Variants in DCLK3 observed in about 807,000 individuals in gnomAD.
The protein encoded by DCLK3 is serine/threonine-protein kinase DCLK3.
DCLK3 carries 30 observed loss-of-function variants against 46.4 expected under a neutral mutation model. The ratio of observed to expected loss-of-function variants is 0.65; its 90% CI spans 0.48 to 0.88. DCLK3 has a LOEUF of 0.88. Ranked by LOEUF, DCLK3 falls within the 40% of genes least tolerant of loss-of-function variation. DCLK3 has a pLI of 0.00. For missense variants in DCLK3, 846 were observed against 907.1 expected, an observed-to-expected ratio of 0.93 and a Z score of 0.87; for synonymous variants, 401 against 339.2, an observed-to-expected ratio of 1.18 and a Z score of -2.00.
chr3:36,732,966 G>C (rs1019930972), intron 2 of DCLK3, among the ~76,000 whole-genome samples: 2 of 152,168 alleles, frequency 1.3e-5, no homozygotes, highest in African/African-American at 4.8e-5. Flanking sequence ...ATGGTAAAGG[G>C]AGAATGAGCA....
intron 3 of DCLK3, among the ~76,000 whole-genome samples, chr3:36,720,304 TG>T (rs1253674246): frequency 6.6e-6 from 1 of 152,204 alleles, no homozygotes; most frequent in African/African-American, 2.4e-5. Flanking sequence ...AGCAGATGGC[TG>T]GCACCATGCT....
rs57947378 is a variant in DCLK3, at chr3:36,758,299, C to T, written c.82+5883G>A. On this transcript the variant is annotated intron_variant, in intron 1 of 4. Transcript: ENST00000636136. The stretch of plus-strand genomic sequence containing the variant: ...ATGGCCATGTTATGACTAAGTGCTA[C>T]CACATAATTTCACCATATATACTCT... 3.2e-4 allele frequency among the ~76,000 whole-genome samples: 48 copies of T among 152,294 alleles called. 1 individual carries two copies. In the East Asian group the frequency reaches 8.9e-3, roughly 28 times the overall value.
chr3:36,725,472 C>T (rs937953677), intron 2 of DCLK3, among the ~76,000 whole-genome samples: 4 of 152,014 alleles, frequency 2.6e-5, no homozygotes, highest in Admixed American at 2.6e-4. Context: ...AAAATATTAG[C>T]CAGGCATGGT....
At chr3:36,742,455 T>C (rs1701353358) in intron 1 of DCLK3, among the ~76,000 whole-genome samples, 1 of 152,134 alleles carries the variant, frequency 6.6e-6, no homozygotes, top group Non-Finnish European at 1.5e-5. Context: ...CGTAAAAGGA[T>C]GTAAAGAGAG....
intron 1 of DCLK3, among the ~76,000 whole-genome samples, chr3:36,747,664 C>T (rs904291655): frequency 5.3e-5 from 8 of 152,168 alleles, no homozygotes; most frequent in East Asian, 3.9e-4. Flanking sequence ...AATTTATGTC[C>T]GCTTTTACAT....
intron 1 of DCLK3, among the ~76,000 whole-genome samples, chr3:36,744,107 C>T (rs189065621): frequency 6.6e-6 from 1 of 152,230 alleles, no homozygotes; most frequent in South Asian, 2.1e-4. Context: ...CTCAACTAAA[C>T]TGTAAGCTCT....
At position 36,728,111 on chromosome 3, in the gene DCLK3, A is replaced by G. The variant is rs149116646; in HGVS notation, c.1960-6452T>C. On this transcript the variant is annotated intron_variant, in intron 2 of 4. Coordinates refer to ENST00000636136, the MANE Select transcript of DCLK3 (RefSeq NM_001394672.2). Reference sequence around the variant, plus strand: ...ACAACTCTGTGCTGTAGTGCATCCCATTTATGGCAAGCTTAGCTTGTGAGG... The same window carrying G: ...ACAACTCTGTGCTGTAGTGCATCCCGTTTATGGCAAGCTTAGCTTGTGAGG... 3.4e-4 allele frequency among the ~76,000 whole-genome samples: 52 copies of G among 152,288 alleles called. No individual in the cohort carries two copies. The East Asian group carries it at 7.2e-3, about 21-fold the overall frequency.
intron 1 of DCLK3, among the ~76,000 whole-genome samples, chr3:36,741,041 T>C (rs915166711): frequency 1.3e-5 from 2 of 152,244 alleles, no homozygotes; most frequent in African/African-American, 4.8e-5. Flanking sequence ...CACAAATTTA[T>C]GAGCTTAACA....
rs2125530003 is a variant in DCLK3, at chr3:36,737,247, C to T, written c.1920G>A (p.Lys640=). ...GCTTGAGGTCCCGGTGGACAATGCT[C>T]TTGTCGTGCATGTGGACGAGGGCTT... is the stretch of plus-strand genomic sequence containing the variant. ...LCKALVHMHD[K]SIVHRDLKPE... The change falls in exon 2 of 5, where the codon AAG becomes AAA. Residue 640 remains lysine, a synonymous_variant. Transcript: ENST00000636136. This position sits in a 1 kb window ranked among gnomAD's most constrained non-coding sequence, Gnocchi z 4.4. 6.2e-7 allele frequency: 1 copy of T among 1,614,124 alleles called. No individual in the cohort carries two copies. The highest frequency in any genetic ancestry group is 2.2e-5 in the East Asian group (1 of 44,880).
At chr3:36,747,155 G>T (rs1353926187) in intron 1 of DCLK3, among the ~76,000 whole-genome samples, 1 of 152,186 alleles carries the variant, frequency 6.6e-6, no homozygotes, top group Non-Finnish European at 1.5e-5. Flanking sequence ...AGTGGCAAAG[G>T]AAATGATCTA....
intron 1 of DCLK3, among the ~76,000 whole-genome samples, chr3:36,748,920 C>T (rs1441593541): frequency 6.6e-6 from 1 of 152,186 alleles, no homozygotes; most frequent in Non-Finnish European, 1.5e-5. Context: ...GATGCTGCCA[C>T]CCTGTCCCTG....
chr3:36,720,530 G>GT (rs1553610648), intron 3 of DCLK3, among the ~76,000 whole-genome samples: 1 of 121,256 alleles, frequency 8.2e-6, no homozygotes, highest in Non-Finnish European at 1.6e-5. Flanking sequence ...TTGAGATGAA[G>GT]TTTCACTCTT....
chr3:36,730,223 CACACAA>C (rs1239399317), intron 2 of DCLK3, among the ~76,000 whole-genome samples: 1 of 144,566 alleles, frequency 6.9e-6, no homozygotes, highest in South Asian at 2.2e-4. Flanking sequence ...CACACACACA[CACACAA>C]ACACATAAAC....
chr3:36,720,655 C>T (rs1025795097), intron 3 of DCLK3, among the ~76,000 whole-genome samples: 13 of 152,164 alleles, frequency 8.5e-5, no homozygotes, highest in African/African-American at 2.9e-4. Flanking sequence ...CAGGCATGTG[C>T]CACCACGCCC....
chr3:36,738,828 G>C lies in DCLK3; in HGVS notation c.339C>G (p.Leu113=). The change falls in exon 2 of 5, where the codon CTC becomes CTG. Residue 113 remains leucine (L), a synonymous_variant. Transcript: ENST00000636136. ...ACGTCTGCACTGATCGCCTGTTGAG[G>C]AGCAGAGTGATCTTTCGGGGGCGCT... ...GGQRPRKITL[L]LNRRSVQTFE... 1.2e-6 allele frequency: 1 copy of C among 839,968 alleles called. No homozygotes were observed. The allele number at this position is 839,968 out of a possible 1,614,324, so 52.0% of individuals were successfully genotyped here.
Position 36,713,263 on chromosome 3 carries a change from A to G in DCLK3, c.*2065T>C, listed in dbSNP as rs950334311. 1.3e-4 allele frequency: 19 copies of G among 146,960 alleles called. No individual in the cohort carries two copies. Among genetic ancestry groups the G allele is most frequent in the African/African-American group, 4.4e-4 (18 of 40,976 alleles). 9.1% of individuals were successfully genotyped at this position (146,960 alleles called of 1,614,324 possible). On this transcript the variant is annotated 3_prime_UTR_variant, in exon 5 of 5. Transcript: ENST00000636136. The stretch of plus-strand genomic sequence containing the variant: ...TACAAGAGATCCAAAGGTATAGGAG[A>G]AAAAAAAACCAGAAAAATGTGACAT...
At position 36,737,235 on chromosome 3, in the gene DCLK3, G is replaced by A; in HGVS notation, c.1932C>T (p.His644=). The A allele has an allele frequency of 1.2e-6, 2 of 1,613,702 alleles. No homozygotes were observed. The highest frequency in any genetic ancestry group is 1.7e-6 in the Non-Finnish European group (2 of 1,179,678). ...LVHMHDKSIV[H]RDLKPENLLV... ...AAAGGTTTTCCGGCTTGAGGTCCCG[G>A]TGGACAATGCTCTTGTCGTGCATGT... The change falls in exon 2 of 5, where the codon CAC becomes CAT. Residue 644 remains histidine (H), a synonymous_variant. Coordinates refer to ENST00000636136, the MANE Select transcript of DCLK3 (RefSeq NM_001394672.2). This position sits in a 1 kb window ranked among gnomAD's most constrained non-coding sequence, Gnocchi z 4.4.
chr3:36,738,063 C>T lies in DCLK3; in HGVS notation c.1104G>A (p.Lys368=). Residue 368 remains lysine (K), a synonymous_variant, in exon 2 of 5, where the codon AAG becomes AAA. Coordinates refer to ENST00000636136, the MANE Select transcript of DCLK3 (RefSeq NM_001394672.2). ...TGGGGCTGCTCCTGTGGCTGTCACC[C>T]TTCCACCCTTCCTCCCCACTTGCAG... The part of the protein sequence containing the change: ...ANPASGEEGW[K]GDSHRSSPRN... 1 of 1,613,736 alleles carries T rather than the reference C, an allele frequency of 6.2e-7. No homozygotes were observed. Among genetic ancestry groups the T allele is most frequent in the East Asian group, 2.2e-5 (1 of 44,876 alleles).
At chr3:36,748,827 G>T (rs1190640373) in intron 1 of DCLK3, among the ~76,000 whole-genome samples, 1 of 152,026 alleles carries the variant, frequency 6.6e-6, no homozygotes, top group Non-Finnish European at 1.5e-5. Flanking sequence ...CATAAATTCT[G>T]AAGCAGGTTG....
Sources: allele counts gnomAD v4.1 joint callset (sites outside exome capture counted in the v4.1 genomes callset), GRCh38; gene constraint gnomAD v4.1.1; non-coding constraint Gnocchi (gnomAD v3.1); transcripts MANE v1.5; gene names NCBI Gene and HGNC (gene_info 2026-07-23, HGNC 2026-07-21).